Variants in HDAC9 observed in about 807,000 individuals in gnomAD.
HDAC9 encodes the protein histone deacetylase 9.
HDAC9 carries 41 observed loss-of-function variants against 139.4 expected under a neutral mutation model. The ratio of observed to expected loss-of-function variants is 0.29; its 90% CI spans 0.23 to 0.38. HDAC9 has a LOEUF of 0.38. Among genes scored for constraint, HDAC9 ranks in the 10% least tolerant of loss-of-function variants. The probability of loss-of-function intolerance (pLI) is 1.00; values close to 1 mark genes in which losing one functional copy is unlikely to be tolerated. For missense variants in HDAC9, 1,147 were observed against 1,297.0 expected (o/e 0.88, Z 1.78); for synonymous variants, 517 against 476.2 (o/e 1.09, Z -1.12).
At chr7:18,847,513 G>A (rs1796991338) in intron 21 of HDAC9, among the ~76,000 whole-genome samples, 1 of 152,212 alleles carries the variant, frequency 6.6e-6, no homozygotes. Flanking sequence ...CCCCTTTGAA[G>A]TGGAAATAAG....
chr7:18,360,777 T>C (rs1215809421), intron 1 of HDAC9, among the ~76,000 whole-genome samples: 2 of 152,194 alleles, frequency 1.3e-5, no homozygotes, highest in Non-Finnish European at 2.9e-5. Context: ...AATGTTTACT[T>C]TCCAAGAGTT....
chr7:18,289,266 A>G (rs1040380642), upstream of HDAC9, among the ~76,000 whole-genome samples: 6 of 152,124 alleles, frequency 3.9e-5, no homozygotes, highest in African/African-American at 1.2e-4. Context: ...TAGTACTTAG[A>G]TTTTCATTTT....
chr7:18,629,417 C>T lies in HDAC9; in HGVS notation c.732C>T (p.Pro244=), dbSNP rs1342843850. ...KQKVAERRSS[P]LLRRKDGNVV... ...AAGTGGCAGAGAGGAGAAGCAGCCC[C>T]TTACTCAGGCGGAAGGATGGAAATG... Residue 244 remains proline (P), a synonymous_variant, in exon 7 of 26, where the codon CCC becomes CCT. Coordinates refer to ENST00000686413, the MANE Select transcript of HDAC9 (RefSeq NM_178425.4). 2 of 1,611,888 alleles carry T rather than the reference C, an allele frequency of 1.2e-6. No individual in the cohort carries two copies. The highest frequency in any genetic ancestry group is 8.5e-7 in the Non-Finnish European group (1 of 1,179,118).
intron 1 of HDAC9, among the ~76,000 whole-genome samples, chr7:18,290,797 T>C (rs1797756890): frequency 6.6e-6 from 1 of 152,194 alleles, no homozygotes; most frequent in Non-Finnish European, 1.5e-5. Context: ...AGGAAAAATA[T>C]TGATGAATAA....
intron 8 of HDAC9, among the ~76,000 whole-genome samples, chr7:18,635,015 CA>C (rs1231266162): frequency 6.6e-6 from 1 of 151,760 alleles, no homozygotes; most frequent in Non-Finnish European, 1.5e-5. Context: ...TTATGGAATT[CA>C]GTAAAATTGA....
rs1793911730 is a variant in HDAC9, at chr7:18,808,502, G to A, written c.2322+15050G>A. ...GGATACAAATCACATACAAAAATCAGTGGTGTTTCAACATACTAACAATGA... is the reference window on the plus strand; with the variant it reads ...GGATACAAATCACATACAAAAATCAATGGTGTTTCAACATACTAACAATGA... On this transcript the variant is annotated intron_variant, in intron 17 of 25. Transcript: ENST00000686413. Among the ~76,000 whole-genome samples, 3 of 151,898 alleles carry A rather than the reference G, an allele frequency of 2.0e-5. No homozygotes were observed. In the South Asian group the frequency reaches 6.2e-4, roughly 32 times the overall value.
intron 13 of HDAC9, among the ~76,000 whole-genome samples, chr7:18,741,298 G>A (rs1452872158): frequency 2.0e-5 from 3 of 152,186 alleles, no homozygotes; most frequent in Non-Finnish European, 4.4e-5. Context: ...AGAGGCTAAT[G>A]CAGCTAGTGG....
At chr7:18,408,325 G>C (rs190933971) in intron 1 of HDAC9, among the ~76,000 whole-genome samples, 4 of 152,232 alleles carry the variant, frequency 2.6e-5, no homozygotes, top group South Asian at 2.1e-4. Context: ...TGAAGGAAGA[G>C]AATGAATGAA....
chr7:18,157,105 A>C (rs189864679), intron 1 of HDAC9, among the ~76,000 whole-genome samples: 1 of 152,306 alleles, frequency 6.6e-6, no homozygotes, highest in African/African-American at 2.4e-5. Context: ...CAAGAATTCA[A>C]GGTGGGAGAT....
upstream of HDAC9, among the ~76,000 whole-genome samples, chr7:18,493,578 A>G (rs1043955262): frequency 3.9e-5 from 6 of 152,010 alleles, no homozygotes; most frequent in Admixed American, 3.3e-4. Flanking sequence ...TTTTCTTAAT[A>G]TAAGAAGTTC....
chr7:18,360,354 G>A (rs578262758), intron 1 of HDAC9, among the ~76,000 whole-genome samples: 1 of 152,232 alleles, frequency 6.6e-6, no homozygotes, highest in South Asian at 2.1e-4. Flanking sequence ...TAGACCCAAT[G>A]TCCTTTGGTA....
intron 2 of HDAC9, among the ~76,000 whole-genome samples, chr7:18,275,433 A>T (rs1245268900): frequency 1.3e-5 from 2 of 152,180 alleles, no homozygotes; most frequent in African/African-American, 4.8e-5. Context: ...CCTGTTAAGT[A>T]TGAATCATGT....
chr7:18,747,192 A>G (rs962203333), intron 13 of HDAC9, among the ~76,000 whole-genome samples: 1 of 152,182 alleles, frequency 6.6e-6, no homozygotes, highest in African/African-American at 2.4e-5. Context: ...GGAGGGGCCT[A>G]TGTATGCTGG....
chr7:18,360,015 C>T (rs1049673437), intron 1 of HDAC9, among the ~76,000 whole-genome samples: 3 of 152,156 alleles, frequency 2.0e-5, no homozygotes, highest in Non-Finnish European at 4.4e-5. Context: ...TTAGCATTGC[C>T]ACAGGACACG....
At chr7:18,339,657 A>G (rs1018181790) in intron 1 of HDAC9, among the ~76,000 whole-genome samples, 1 of 151,442 alleles carries the variant, frequency 6.6e-6, no homozygotes, top group African/African-American at 2.4e-5. Context: ...TAGATTATTT[A>G]GAAATGCTGT....
At chr7:18,272,788 T>C (rs1456870768) in intron 2 of HDAC9, among the ~76,000 whole-genome samples, 1 of 152,092 alleles carries the variant, frequency 6.6e-6, no homozygotes, top group Non-Finnish European at 1.5e-5. Flanking sequence ...TAACAAATTT[T>C]TAAATAGAAT....
At position 18,973,533 on chromosome 7, in the gene HDAC9, A is replaced by G. The variant is rs1348824609; in HGVS notation, c.3023-2273A>G. ...ATGTCAACAGGTCTTGTTGACATGG[A>G]AAGTGGGTGGTGAGACTGAATTTCC... is the stretch of plus-strand genomic sequence containing the variant. On this transcript the variant is annotated intron_variant, in intron 24 of 25. Transcript: ENST00000686413. 7.2e-5 allele frequency among the ~76,000 whole-genome samples: 11 copies of G among 152,262 alleles called. No homozygotes were observed. In the East Asian group the frequency reaches 2.1e-3, roughly 29 times the overall value.
At chr7:18,803,409 T>C (rs1188899666) in intron 17 of HDAC9, among the ~76,000 whole-genome samples, 1 of 152,134 alleles carries the variant, frequency 6.6e-6, no homozygotes, top group East Asian at 1.9e-4. Flanking sequence ...CTTATCACCA[T>C]TTATGATTGT....
In HDAC9 at chr7:18,590,244, G is replaced by T. The variant is rs1830566698; in HGVS notation, c.265-92G>T. ...ACAAATATGAACTAAATACAAACAAGTTCCAAAAGCTCATAACATTTCAGT... is the reference window on the plus strand; with the variant it reads ...ACAAATATGAACTAAATACAAACAATTTCCAAAAGCTCATAACATTTCAGT... On this transcript the variant is annotated intron_variant, in intron 3 of 25. Coordinates refer to ENST00000686413, the MANE Select transcript of HDAC9 (RefSeq NM_178425.4). The T allele has an allele frequency of 9.1e-6, 12 of 1,321,042 alleles. No individual in the cohort carries two copies. In the South Asian group the frequency reaches 1.6e-4, roughly 18 times the overall value. The allele number at this position is 1,321,042 out of a possible 1,614,324, so 81.8% of individuals were successfully genotyped here.
Sources: gnomAD v4.1 joint callset for allele counts (sites outside exome capture counted in the v4.1 genomes callset) on GRCh38, gnomAD v4.1.1 for gene constraint, MANE v1.5 for transcripts, NCBI Gene and HGNC (gene_info 2026-07-23, HGNC 2026-07-21) for gene names.